The following CMIP variants were observed in gnomAD, a reference collection of about 807,000 sequenced individuals.
CMIP encodes the protein C-Maf-inducing protein.
In CMIP, 13 loss-of-function variants were observed where a neutral mutation model predicts 97.3. That is an observed-to-expected ratio of 0.13 (90% CI 0.09 to 0.21). The LOEUF is 0.21. Ranked by LOEUF, CMIP falls within the 10% of genes least tolerant of loss-of-function variation. The pLI is 1.00. For synonymous variants in CMIP, 538 were observed against 436.3 expected, an observed-to-expected ratio of 1.23 and a Z score of -2.91; for missense variants, 847 against 1,024.9, an observed-to-expected ratio of 0.83 and a Z score of 2.37.
At chr16:81,450,871 A>G (rs954196795) in intron 1 of CMIP, among the ~76,000 whole-genome samples, 3 of 152,226 alleles carry the variant, frequency 2.0e-5, no homozygotes, top group Admixed American at 6.5e-5. Flanking sequence ...CACAGCCCCT[A>G]GTGGCCCTCC....
At chr16:81,483,622 C>T (rs11642236) in intron 1 of CMIP, among the ~76,000 whole-genome samples, 3 of 147,582 alleles carry the variant, frequency 2.0e-5, no homozygotes, top group African/African-American at 5.3e-5. Context: ...CCTGACCCTC[C>T]CCCAGCTGCC....
chr16:81,707,090 T>C lies in CMIP; in HGVS notation c.2268+6T>C, dbSNP rs778268657. ...ACACCTACGAAGATCTGAAGGTAAT[T>C]CCCTCCTTCCTCCCCACTCTCCTCC... is the stretch of plus-strand genomic sequence containing the variant. On this transcript the variant is annotated splice_donor_region_variant and intron_variant, in intron 20 of 20. Coordinates refer to ENST00000537098, the MANE Select transcript of CMIP (RefSeq NM_198390.3). The C allele has an allele frequency of 1.9e-6, 3 of 1,612,314 alleles. No individual in the cohort carries two copies. The East Asian group carries it at 6.7e-5, about 36-fold the overall frequency.
intron 1 of CMIP, among the ~76,000 whole-genome samples, chr16:81,595,680 C>G (rs1203883261): frequency 6.6e-6 from 1 of 152,134 alleles, no homozygotes; most frequent in African/African-American, 2.4e-5. Context: ...TGAGCCACCA[C>G]GCCTAGCCCG....
chr16:81,696,335 C>G, intron 13 of CMIP: 1 of 592,322 alleles, frequency 1.7e-6, no homozygotes, highest in Non-Finnish European at 3.0e-6. Context: ...GTGCAGCTGA[C>G]AGCCAGTAGC....
intron 1 of CMIP, among the ~76,000 whole-genome samples, chr16:81,462,515 A>C (rs1009552847): frequency 6.6e-6 from 1 of 151,154 alleles, no homozygotes; most frequent in African/African-American, 2.4e-5. Flanking sequence ...AAAAAAAAAA[A>C]TGTTTCATTA....
At chr16:81,700,430 G>A (rs1336930992) in intron 15 of CMIP, 1 of 154,032 alleles carries the variant, frequency 6.5e-6, no homozygotes, top group African/African-American at 2.4e-5. Context: ...GTCCCCAGAA[G>A]CCTGAGACTC....
chr16:81,640,746 G>C (rs967818217), intron 3 of CMIP, among the ~76,000 whole-genome samples: 1 of 131,604 alleles, frequency 7.6e-6, no homozygotes, highest in African/African-American at 2.9e-5. Context: ...GCATGTGTGT[G>C]TGTGTGTGTG....
At chr16:81,575,817 T>C (rs1421873270) in intron 1 of CMIP, among the ~76,000 whole-genome samples, 1 of 152,162 alleles carries the variant, frequency 6.6e-6, no homozygotes, top group Non-Finnish European at 1.5e-5. Flanking sequence ...TAGGGGTCAG[T>C]GATGGTCTGT....
Position 81,678,643 on chromosome 16 carries a change from C to CG in CMIP, c.1388+16dup. The CG allele has an allele frequency of 7.5e-7, 1 of 1,327,316 alleles. No homozygotes were observed. The highest frequency in any genetic ancestry group is 1.1e-6 in the Non-Finnish European group (1 of 941,136). 82.2% of individuals were successfully genotyped at this position (1,327,316 alleles called of 1,614,324 possible). ...CTCAAGCTGCTGTGAGTGCCCCCCC[C>CG]GCGTGCCCGCCCCCGGGGCCGGTGG... On this transcript the variant is annotated intron_variant, in intron 10 of 20. Coordinates refer to ENST00000537098, the MANE Select transcript of CMIP (RefSeq NM_198390.3).
chr16:81,556,884 A>G (rs1439986667), intron 1 of CMIP, among the ~76,000 whole-genome samples: 1 of 152,234 alleles, frequency 6.6e-6, no homozygotes, highest in African/African-American at 2.4e-5. Context: ...CAGGTCCTCA[A>G]GGCTGAGGAA....
At chr16:81,528,367 T>A (rs1292327125) in intron 1 of CMIP, among the ~76,000 whole-genome samples, 1 of 152,116 alleles carries the variant, frequency 6.6e-6, no homozygotes, top group Non-Finnish European at 1.5e-5. Context: ...TCATGCTGAA[T>A]GCTGGATACA....
intron 7 of CMIP, among the ~76,000 whole-genome samples, chr16:81,668,993 TCTCCTCCTTCCACACCCACCTCACA>T (rs2092645297): frequency 8.0e-5 from 6 of 75,274 alleles, no homozygotes; most frequent in South Asian, 9.6e-4. Context: ...CACCTCACAC[TCTCCTCCTTCCACACCCACCTCACA>T]CTCCTCCTTC....
chr16:81,585,920 T>C (rs1323822899), intron 1 of CMIP, among the ~76,000 whole-genome samples: 1 of 152,170 alleles, frequency 6.6e-6, no homozygotes, highest in Non-Finnish European at 1.5e-5. Flanking sequence ...TCACCAGCAC[T>C]GATCACCTCC....
intron 1 of CMIP, among the ~76,000 whole-genome samples, chr16:81,467,002 G>T (rs1040843368): frequency 6.6e-6 from 1 of 152,214 alleles, no homozygotes; most frequent in African/African-American, 2.4e-5. Flanking sequence ...AGAACATACA[G>T]GAAAATAAAC....
chr16:81,637,701 G>C (rs2092254253), intron 3 of CMIP, among the ~76,000 whole-genome samples: 2 of 152,280 alleles, frequency 1.3e-5, no homozygotes, highest in East Asian at 3.9e-4. Context: ...GCAGGCTGGT[G>C]GGGGAGGCAG....
At chr16:81,676,027 G>C (rs568104160) in intron 9 of CMIP, among the ~76,000 whole-genome samples, 4 of 152,332 alleles carry the variant, frequency 2.6e-5, no homozygotes, top group South Asian at 2.1e-4. Flanking sequence ...GACGTGATGG[G>C]ATTTCAGTTC....
intron 1 of CMIP, among the ~76,000 whole-genome samples, chr16:81,536,448 A>G (rs1022728833): frequency 6.6e-6 from 1 of 152,234 alleles, no homozygotes; most frequent in Non-Finnish European, 1.5e-5. Flanking sequence ...ATTCTCTTAT[A>G]GTTCATCTTT....
At chr16:81,458,895 TA>T (rs1906724531) in intron 1 of CMIP, among the ~76,000 whole-genome samples, 1 of 152,184 alleles carries the variant, frequency 6.6e-6, no homozygotes, top group Non-Finnish European at 1.5e-5. Context: ...AAGTACTTAG[TA>T]GAGTGTGGAC....
intron 13 of CMIP, chr16:81,696,354 C>G (rs1416135847): frequency 6.9e-5 from 43 of 619,904 alleles, no homozygotes; most frequent in Non-Finnish European, 7.2e-5. Context: ...GCCAGAGTCC[C>G]CTGGGGTGTG....
Sources: gnomAD v4.1 joint callset for allele counts (sites outside exome capture counted in the v4.1 genomes callset) on GRCh38, gnomAD v4.1.1 for gene constraint, MANE v1.5 for transcripts, NCBI Gene and HGNC (gene_info 2026-07-23, HGNC 2026-07-21) for gene names.